The following ITPA variants were observed in gnomAD, a reference collection of about 807,000 sequenced individuals.
ITPA encodes the protein inosine triphosphatase.
A neutral mutation model predicts 29.6 loss-of-function variants in ITPA; 29 were observed. The ratio of observed to expected loss-of-function variants is 0.98; its 90% CI spans 0.73 to 1.34. ITPA has a LOEUF of 1.34. ITPA is among the 40% of genes most tolerant of loss of function. ITPA has a pLI of 0.00. For synonymous variants in ITPA, 103 were observed against 99.3 expected, an observed-to-expected ratio of 1.04 and a Z score of -0.22; for missense variants, 241 against 251.5, an observed-to-expected ratio of 0.96 and a Z score of 0.28.
chr20:3,225,415 AG>A (rs2067543895), downstream of ITPA, among the ~76,000 whole-genome samples: 7 of 152,130 alleles, frequency 4.6e-5, 1 homozygote, highest in South Asian at 1.5e-3. Flanking sequence ...GCAGGGCTGA[AG>A]GTTCAGTTGA....
In ITPA at chr20:3,215,878, G is replaced by A. The variant is rs528476772; in HGVS notation, c.295+566G>A. ...TTTTTGTATTTTTAGTAGAGAGGGGGTTTCACCATGTTGGCCAGGCCAGTC... is the reference window on the plus strand; with the variant it reads ...TTTTTGTATTTTTAGTAGAGAGGGGATTTCACCATGTTGGCCAGGCCAGTC... On this transcript the variant is annotated intron_variant, in intron 5 of 7. Transcript: ENST00000380113. Among the ~76,000 whole-genome samples the A allele has an allele frequency of 3.3e-5, 5 of 152,006 alleles. No homozygotes were observed. The South Asian group carries it at 1.0e-3, about 32-fold the overall frequency.
chr20:3,226,710 G>A (rs546219217), downstream of ITPA, among the ~76,000 whole-genome samples: 4 of 152,076 alleles, frequency 2.6e-5, no homozygotes, highest in East Asian at 5.8e-4. This position sits in a 1 kb window ranked among gnomAD's most constrained non-coding sequence, Gnocchi z 4.4. Context: ...CTCTTCTGTC[G>A]GCCAACTTAG....
rs76430681 is a variant in ITPA at position 3,214,351 on chromosome 20, C to A, written c.263+293C>A. On this transcript the variant is annotated intron_variant, in intron 4 of 7. Transcript: ENST00000380113. ...GAAGTTGGAATCTAAAACTTGATTT[C>A]TTTCTTCCTTTCTTTTTTTTTTTTT... is the stretch of plus-strand genomic sequence containing the variant. Among the ~76,000 whole-genome samples, 48 of 133,500 alleles carry A rather than the reference C, an allele frequency of 3.6e-4. 2 individuals are homozygous for A. In the East Asian group the frequency reaches 0.011, roughly 31 times the overall value. 87.6% of individuals were successfully genotyped at this position (133,500 alleles called of 152,430 possible). A position where few individuals can be genotyped will look rare whatever the true frequency, so the allele number is the denominator to read the frequency against.
intron 1 of ITPA, among the ~76,000 whole-genome samples, chr20:3,210,940 A>G (rs1231272404): frequency 6.6e-6 from 1 of 151,494 alleles, no homozygotes; most frequent in Non-Finnish European, 1.5e-5. Flanking sequence ...AGTCCCAGCT[A>G]CTCGGGAGGC....
intron 4 of ITPA, 54 bp from the exon 5 acceptor site, chr20:3,215,227 G>T: frequency 1.9e-5 from 30 of 1,575,324 alleles, no homozygotes; most frequent in Non-Finnish European, 2.4e-5. Flanking sequence ...TGGAAAAGGT[G>T]GTAAGAAGAT....
At chr20:3,226,504 G>T (rs2067556178), downstream of ITPA, among the ~76,000 whole-genome samples, 1 of 152,168 alleles carries the variant, frequency 6.6e-6, no homozygotes, top group African/African-American at 2.4e-5. This position sits in a 1 kb window ranked among gnomAD's most constrained non-coding sequence, Gnocchi z 4.4. Context: ...CCCAGTGTAA[G>T]GTGGCGTCTC....
At chr20:3,214,113 T>A in intron 4 of ITPA, 55 bp downstream of exon 4, 1 of 1,446,568 alleles carries the variant, frequency 6.9e-7, no homozygotes, top group South Asian at 1.1e-5. Flanking sequence ...CCACCAGAAC[T>A]GCAAAATGAT....
chr20:3,204,099 G>C (rs1356728735), upstream of ITPA, among the ~76,000 whole-genome samples: 7 of 152,140 alleles, frequency 4.6e-5, no homozygotes, highest in Non-Finnish European at 7.4e-5. Context: ...GCCGCCTCGC[G>C]CTTCTCCAGC....
intron 4 of ITPA, among the ~76,000 whole-genome samples, chr20:3,214,499 T>C (rs2067248052): frequency 6.6e-6 from 1 of 151,566 alleles, no homozygotes; most frequent in African/African-American, 2.4e-5. Context: ...CCTGGGTAAC[T>C]GGGACTACAG....
chr20:3,215,141 A>G (rs2067264019), intron 4 of ITPA, 140 bp from the exon 5 acceptor site: 2 of 792,652 alleles, frequency 2.5e-6, no homozygotes, highest in South Asian at 1.4e-5. Context: ...TGCTGGGATT[A>G]TAGGCGGGAC....
downstream of ITPA, among the ~76,000 whole-genome samples, chr20:3,224,375 G>A (rs1244060022): frequency 2.6e-5 from 4 of 152,156 alleles, no homozygotes; most frequent in Admixed American, 1.3e-4. Flanking sequence ...AGGTGGCTCC[G>A]TTGTCAGAGT....
At chr20:3,216,942 G>C (rs1448163089) in intron 5 of ITPA, among the ~76,000 whole-genome samples, 1 of 151,204 alleles carries the variant, frequency 6.6e-6, no homozygotes, top group Non-Finnish European at 1.5e-5. Context: ...GTGCAGTGGT[G>C]TGATCTTGGC....
At chr20:3,209,230 G>A (rs2067114768), upstream of ITPA, 1 of 423,446 alleles carries the variant, frequency 2.4e-6, no homozygotes, top group Non-Finnish European at 4.4e-6. This position sits in a 1 kb window ranked among gnomAD's most constrained non-coding sequence, Gnocchi z 4.6. Flanking sequence ...TCCTTTCGGA[G>A]ACCCCATTGC....
chr20:3,207,803 T>G (rs2067089001), upstream of ITPA, among the ~76,000 whole-genome samples: 2 of 151,922 alleles, frequency 1.3e-5, no homozygotes, highest in Admixed American at 1.3e-4. Context: ...GAGACCAGCC[T>G]GGCCAACATG....
At chr20:3,210,557 T>G (rs1215729986) in intron 1 of ITPA, among the ~76,000 whole-genome samples, 1 of 152,112 alleles carries the variant, frequency 6.6e-6, no homozygotes, top group Admixed American at 6.6e-5. Context: ...ACACCTACAT[T>G]TGCCTGTAGT....
chr20:3,212,172 CA>C (rs201598205), intron 1 of ITPA, among the ~76,000 whole-genome samples: 1 of 146,252 alleles, frequency 6.8e-6, no homozygotes, highest in African/African-American at 2.5e-5. Flanking sequence ...GACCCTCTCT[CA>C]AAAAAAAATA....
Position 3,214,056 on chromosome 20 carries a change from C to T in ITPA, c.261C>T (p.Tyr87=), listed in dbSNP as rs1272562560. 2.5e-6 allele frequency: 4 copies of T among 1,614,156 alleles called. No individual in the cohort carries two copies. In the South Asian group the frequency reaches 4.4e-5, roughly 18 times the overall value. ...CCCTTGGAGGGCTCCCCGGCCCCTA[C>T]ATGTGAGTGACTACCTCCACCCCCT... ...FNALGGLPGP[Y]IKWFLEKLKP... Residue 87 remains tyrosine, a splice_region_variant and synonymous_variant, in exon 4 of 8, where the codon TAC becomes TAT. Coordinates refer to ENST00000380113, the MANE Select transcript of ITPA (RefSeq NM_033453.4).
At chr20:3,219,573 C>T (rs953690223) in intron 6 of ITPA, among the ~76,000 whole-genome samples, 1 of 151,484 alleles carries the variant, frequency 6.6e-6, no homozygotes, top group Non-Finnish European at 1.5e-5. Flanking sequence ...AGCAAAACCC[C>T]GTCTCAACTA....
rs779049825 is a variant in ITPA, at chr20:3,209,529, C to T, written c.-23C>T. ...GGACGCCAAGGAGTTTTCGGTGGCT[C>T]AGCTGGGTAACCGGGGATCACCATG... On this transcript the variant is annotated 5_prime_UTR_variant, in exon 1 of 8. Transcript: ENST00000380113. This position sits in a 1 kb window ranked among gnomAD's most constrained non-coding sequence, Gnocchi z 4.6. 1.2e-6 allele frequency: 2 copies of T among 1,612,590 alleles called. No individual in the cohort carries two copies. Among genetic ancestry groups the T allele is most frequent in the Admixed American group, 1.7e-5 (1 of 59,950 alleles).
Sources: allele counts gnomAD v4.1 joint callset (sites outside exome capture counted in the v4.1 genomes callset), GRCh38; gene constraint gnomAD v4.1.1; non-coding constraint Gnocchi (gnomAD v3.1); transcripts MANE v1.5; gene names NCBI Gene and HGNC (gene_info 2026-07-23, HGNC 2026-07-21).